The following EYA3 variants were observed in gnomAD, a reference collection of about 807,000 sequenced individuals.
EYA3 encodes the protein EYA transcriptional coactivator and phosphatase 3, also known as protein phosphatase EYA3.
A neutral mutation model predicts 80.0 loss-of-function variants in EYA3; 39 were observed. The ratio of observed to expected loss-of-function variants is 0.49; its 90% CI spans 0.38 to 0.64. The LOEUF (loss-of-function observed/expected upper bound fraction) is 0.64, where lower values mean the gene tolerates loss of function less well. EYA3 is among the 30% of genes least tolerant of loss of function. The pLI is 0.00. For synonymous variants in EYA3, 206 were observed against 232.8 expected (o/e 0.88, Z 1.05); for missense variants, 523 against 676.1 (o/e 0.77, Z 2.51).
intron 16 of EYA3, among the ~76,000 whole-genome samples, chr1:27,986,655 C>T (rs1214468854): frequency 2.6e-5 from 4 of 151,984 alleles, no homozygotes; most frequent in African/African-American, 9.7e-5. Context: ...CCTTGGCCTC[C>T]CAAAGTGCTG....
At position 28,013,931 on chromosome 1, in the gene EYA3, C is replaced by T. The variant is rs1034762010; in HGVS notation, c.586-637G>A. On this transcript the variant is annotated intron_variant, in intron 8 of 17. Coordinates refer to ENST00000373871, the MANE Select transcript of EYA3 (RefSeq NM_001990.4). This position sits in a 1 kb window ranked among gnomAD's most constrained non-coding sequence, Gnocchi z 4.0. ...TACAAAAATTAGCCTGGCGTGGTGG[C>T]ACATGCCTGAAATCCCAGCTACTTG... is the stretch of plus-strand genomic sequence containing the variant. 2.6e-5 allele frequency among the ~76,000 whole-genome samples: 4 copies of T among 152,058 alleles called. No homozygotes were observed. Among genetic ancestry groups the T allele is most frequent in the Admixed American group, 6.5e-5 (1 of 15,272 alleles).
chr1:28,048,713 G>A (rs1644127490), intron 2 of EYA3, among the ~76,000 whole-genome samples: 1 of 152,028 alleles, frequency 6.6e-6, no homozygotes, highest in South Asian at 2.1e-4. Context: ...TCCAAGCTTT[G>A]ATACAAACTA....
At chr1:28,054,265 G>A (rs1435207179) in intron 2 of EYA3, among the ~76,000 whole-genome samples, 2 of 152,176 alleles carry the variant, frequency 1.3e-5, no homozygotes, top group East Asian at 3.8e-4. Context: ...AGGGAGGTAA[G>A]CATTCCAAAT....
chr1:28,088,610 T>C lies in EYA3; in HGVS notation c.-155A>G, dbSNP rs1190883434. 1 of 152,976 alleles carries C rather than the reference T, an allele frequency of 6.5e-6. No individual in the cohort carries two copies. The highest frequency in any genetic ancestry group is 1.5e-5 in the Non-Finnish European group (1 of 68,320). The allele number at this position is 152,976 out of a possible 1,614,324, so 9.5% of individuals were successfully genotyped here. A position where few individuals can be genotyped will look rare whatever the true frequency, so the allele number is the denominator to read the frequency against. On this transcript the variant is annotated 5_prime_UTR_variant, in exon 1 of 18. Coordinates refer to ENST00000373871, the MANE Select transcript of EYA3 (RefSeq NM_001990.4). ...AATCGAGCGGAGGAAACCGCGGCGT[T>C]AGCGTGACCCGGATGCGCATCGCTA... is the stretch of plus-strand genomic sequence containing the variant.
At chr1:28,049,608 T>C (rs1395889354) in intron 2 of EYA3, among the ~76,000 whole-genome samples, 1 of 151,746 alleles carries the variant, frequency 6.6e-6, no homozygotes, top group African/African-American at 2.4e-5. Flanking sequence ...AACCAGGAGG[T>C]TGAGGGATTC....
chr1:28,048,325 GA>G (rs199586294), intron 3 of EYA3, 57 bp downstream of exon 3: 40,205 of 1,010,610 alleles, frequency 0.04, 991 homozygotes, highest in East Asian at 0.26. Context: ...ATCAGCATGT[GA>G]AAAAAAAAAA....
At chr1:28,031,331 C>T (rs1643126348) in intron 6 of EYA3, among the ~76,000 whole-genome samples, 2 of 152,300 alleles carry the variant, frequency 1.3e-5, no homozygotes, top group South Asian at 4.1e-4. Flanking sequence ...GGTTTGACTC[C>T]ACAGCACTAT....
chr1:28,014,309 T>C (rs930707080), intron 8 of EYA3, among the ~76,000 whole-genome samples: 1 of 148,158 alleles, frequency 6.7e-6, no homozygotes, highest in Non-Finnish European at 1.5e-5. Flanking sequence ...GCCTGTGGTC[T>C]CAGCTATTCG....
At chr1:28,084,585 A>T (rs1405780145) in intron 1 of EYA3, among the ~76,000 whole-genome samples, 1 of 17,128 alleles carries the variant, frequency 5.8e-5, no homozygotes, top group African/African-American at 2.8e-4. Context: ...ATATATATAT[A>T]TATATATATA....
intron 7 of EYA3, among the ~76,000 whole-genome samples, chr1:28,021,231 T>C (rs1317810420): frequency 2.0e-5 from 3 of 152,214 alleles, no homozygotes; most frequent in East Asian, 3.8e-4. Flanking sequence ...TTGAGGACTT[T>C]TGCAATATTG....
chr1:28,007,337 C>CTTTT (rs776771608), intron 10 of EYA3, among the ~76,000 whole-genome samples: 4 of 131,624 alleles, frequency 3.0e-5, no homozygotes, highest in Non-Finnish European at 5.0e-5. Flanking sequence ...TTCTTTCTTT[C>CTTTT]TTTTTTTTTT....
intron 12 of EYA3, among the ~76,000 whole-genome samples, chr1:27,998,762 T>A (rs1640628198): frequency 6.6e-6 from 1 of 151,426 alleles, no homozygotes; most frequent in Non-Finnish European, 1.5e-5. Flanking sequence ...GTTTATAAAA[T>A]ACTATCTTTT....
chr1:27,997,544 T>C (rs1198299933), intron 12 of EYA3, among the ~76,000 whole-genome samples, 166 bp from the exon 13 acceptor site: 1 of 152,242 alleles, frequency 6.6e-6, no homozygotes, highest in Non-Finnish European at 1.5e-5. Context: ...CAATTCCTCT[T>C]AAGACCTGAT....
At chr1:28,085,406 G>A (rs1007246397) in intron 1 of EYA3, among the ~76,000 whole-genome samples, 6 of 152,140 alleles carry the variant, frequency 3.9e-5, no homozygotes, top group African/African-American at 1.4e-4. Flanking sequence ...CCGAGATCGT[G>A]CCACTGCACT....
intron 6 of EYA3, among the ~76,000 whole-genome samples, chr1:28,035,037 T>A (rs1220067889): frequency 1.3e-5 from 2 of 152,130 alleles, no homozygotes; most frequent in African/African-American, 4.8e-5. Flanking sequence ...CATAAGGTTA[T>A]AAGAAAATTG....
chr1:28,082,103 G>C (rs528129429), intron 1 of EYA3, among the ~76,000 whole-genome samples: 1 of 151,914 alleles, frequency 6.6e-6, no homozygotes, highest in African/African-American at 2.4e-5. Context: ...AGTGGAAAAA[G>C]GACAAAAGCT....
chr1:28,000,071 T>C (rs1193599395), intron 11 of EYA3, 22 bp from the exon 12 acceptor site: 2 of 1,548,494 alleles, frequency 1.3e-6, no homozygotes, highest in African/African-American at 1.4e-5. Context: ...TAAGAAAAAA[T>C]CAGCTTGACT....
chr1:28,053,718 G>C (rs1383257255), intron 2 of EYA3, among the ~76,000 whole-genome samples: 1 of 152,212 alleles, frequency 6.6e-6, no homozygotes, highest in Non-Finnish European at 1.5e-5. Context: ...AACAGGAAAA[G>C]AGTGAACTGC....
chr1:28,055,887 G>A (rs554413312), intron 2 of EYA3, among the ~76,000 whole-genome samples: 15 of 152,154 alleles, frequency 9.9e-5, no homozygotes, highest in African/African-American at 3.4e-4. Flanking sequence ...CAATAATAAC[G>A]ACCATCAGTA....
Sources: gnomAD v4.1 joint callset for allele counts (sites outside exome capture counted in the v4.1 genomes callset) on GRCh38, gnomAD v4.1.1 for gene constraint, Gnocchi (gnomAD v3.1) non-coding constraint, MANE v1.5 for transcripts, NCBI Gene and HGNC (gene_info 2026-07-23, HGNC 2026-07-21) for gene names.